The following TMEM132C variants were observed in gnomAD, a reference collection of about 807,000 sequenced individuals.
TMEM132C encodes the protein transmembrane protein 132C.
A neutral mutation model predicts 61.4 loss-of-function variants in TMEM132C; 29 were observed. The observed-to-expected ratio is 0.47, with a 90% CI of 0.35 to 0.64. The LOEUF (loss-of-function observed/expected upper bound fraction) is 0.64, where lower values mean the gene tolerates loss of function less well. Ranked by LOEUF, TMEM132C falls within the 30% of genes least tolerant of loss-of-function variation. The pLI, the probability that TMEM132C is intolerant of heterozygous loss-of-function variation, is 0.00. For missense variants in TMEM132C, 1,408 were observed against 1,476.9 expected, an observed-to-expected ratio of 0.95 and a Z score of 0.76; for synonymous variants, 656 against 633.1, an observed-to-expected ratio of 1.04 and a Z score of -0.54.
intron 1 of TMEM132C, among the ~76,000 whole-genome samples, chr12:128,330,395 G>A (rs556576088): frequency 6.6e-6 from 1 of 152,248 alleles, no homozygotes; most frequent in South Asian, 2.1e-4. Context: ...TTTTTTAAAA[G>A]TGTATTTCTA....
At chr12:128,292,075 G>A (rs769280746) in intron 1 of TMEM132C, among the ~76,000 whole-genome samples, 1 of 152,254 alleles carries the variant, frequency 6.6e-6, no homozygotes, top group Non-Finnish European at 1.5e-5. Context: ...CTCACCATCC[G>A]TCTCTGCTTC....
At chr12:128,293,034 A>G (rs1343771507) in intron 1 of TMEM132C, among the ~76,000 whole-genome samples, 1 of 149,416 alleles carries the variant, frequency 6.7e-6, no homozygotes, top group Non-Finnish European at 1.5e-5. Flanking sequence ...TGATTTTCAA[A>G]AAATTTGAAA....
chr12:128,293,987 G>T (rs1683710), intron 1 of TMEM132C: 1 of 154,236 alleles, frequency 6.5e-6, no homozygotes, highest in South Asian at 2.0e-4. Flanking sequence ...GAATATTTCC[G>T]AAGGGGAATC....
At chr12:128,660,278 C>T (rs1954374098) in intron 4 of TMEM132C, among the ~76,000 whole-genome samples, 1 of 152,164 alleles carries the variant, frequency 6.6e-6, no homozygotes, top group South Asian at 2.1e-4. Flanking sequence ...GGCTGAGGAA[C>T]CCCTTTCCTC....
rs538481201 is a variant in TMEM132C at position 128,359,299 on chromosome 12, A to G, written c.86-55433A>G. ...CACAATCATGGTGGAAGAGCAAGGG[A>G]CGTCTTACATGGTGGAAGACAAGAG... On this transcript the variant is annotated intron_variant, in intron 1 of 8. Transcript: ENST00000435159. Among the ~76,000 whole-genome samples the G allele has an allele frequency of 5.3e-5, 8 of 152,262 alleles. No homozygotes were observed. The South Asian group carries it at 1.2e-3, about 24-fold the overall frequency.
intron 5 of TMEM132C, among the ~76,000 whole-genome samples, chr12:128,674,084 C>T (rs866535221): frequency 6.6e-6 from 1 of 152,198 alleles, no homozygotes; most frequent in African/African-American, 2.4e-5. Context: ...CACCATGATC[C>T]GATTTTATAA....
intron 4 of TMEM132C, among the ~76,000 whole-genome samples, chr12:128,623,667 G>A (rs1953988444): frequency 1.3e-5 from 2 of 151,968 alleles, no homozygotes; most frequent in South Asian, 2.1e-4. Flanking sequence ...AATCAGCCGG[G>A]CGTGATGGCA....
In TMEM132C at chr12:128,599,463, T is replaced by C. The variant is rs552003882; in HGVS notation, c.1122-16689T>C. On this transcript the variant is annotated intron_variant, in intron 3 of 8. Transcript: ENST00000435159. Reference sequence around the variant, plus strand: ...GGCCAGGGCACCTGGGCCTCTGACATGTTGCTCCGGAGGAGACGGTTGCCT... The same window carrying C: ...GGCCAGGGCACCTGGGCCTCTGACACGTTGCTCCGGAGGAGACGGTTGCCT... Among the ~76,000 whole-genome samples the C allele has an allele frequency of 2.6e-5, 4 of 152,312 alleles. No homozygotes were observed. The East Asian group carries it at 7.7e-4, about 29-fold the overall frequency.
intron 4 of TMEM132C, among the ~76,000 whole-genome samples, chr12:128,665,944 C>T (rs11612871): frequency 0.21 from 28,636 of 138,894 alleles, 2,848 homozygotes; most frequent in South Asian, 0.31. Flanking sequence ...CATACACAAA[C>T]ACAGGCACAC....
At chr12:128,339,805 G>A (rs1263187516) in intron 1 of TMEM132C, among the ~76,000 whole-genome samples, 10 of 152,132 alleles carry the variant, frequency 6.6e-5, no homozygotes, top group African/African-American at 2.4e-4. Flanking sequence ...TCTCATTCCA[G>A]GCAACTTGTG....
chr12:128,405,231 T>G (rs1875300163), intron 1 of TMEM132C, among the ~76,000 whole-genome samples: 1 of 152,120 alleles, frequency 6.6e-6, no homozygotes, highest in Non-Finnish European at 1.5e-5. Context: ...GGAGATAACG[T>G]TTCCGGGAGA....
At chr12:128,664,597 A>G (rs1046249750) in intron 4 of TMEM132C, among the ~76,000 whole-genome samples, 1 of 152,226 alleles carries the variant, frequency 6.6e-6, no homozygotes, top group Non-Finnish European at 1.5e-5. Context: ...TCTAACACCT[A>G]CTGGGGTCGG....
At chr12:128,553,720 TG>T (rs1874245650) in intron 3 of TMEM132C, among the ~76,000 whole-genome samples, 1 of 152,212 alleles carries the variant, frequency 6.6e-6, no homozygotes, top group Non-Finnish European at 1.5e-5. Flanking sequence ...CACAGGGAGC[TG>T]CTGTGAGGGA....
intron 2 of TMEM132C, among the ~76,000 whole-genome samples, chr12:128,463,025 G>A (rs987841928): frequency 3.3e-5 from 5 of 152,096 alleles, no homozygotes; most frequent in Non-Finnish European, 7.4e-5. Context: ...GGCTGCAGAC[G>A]GCTGCTACAG....
intron 3 of TMEM132C, among the ~76,000 whole-genome samples, chr12:128,588,495 G>A (rs11834383): frequency 0.078 from 11,883 of 152,088 alleles, 583 homozygotes; most frequent in African/African-American, 0.13. Context: ...TCATTCATCC[G>A]TTCTTTTGTA....
chr12:128,321,508 G>T (rs950330396), intron 1 of TMEM132C, among the ~76,000 whole-genome samples: 1 of 152,178 alleles, frequency 6.6e-6, no homozygotes, highest in African/African-American at 2.4e-5. Flanking sequence ...TGCAGCTCTG[G>T]CTATAAAGGG....
chr12:128,527,705 G>GTA (rs909690527), intron 2 of TMEM132C, among the ~76,000 whole-genome samples: 2 of 60,554 alleles, frequency 3.3e-5, no homozygotes, highest in Non-Finnish European at 6.7e-5. Flanking sequence ...GAATGTGCAT[G>GTA]TATGTGTGTG....
intron 1 of TMEM132C, among the ~76,000 whole-genome samples, chr12:128,366,931 T>C (rs1873889926): frequency 6.6e-6 from 1 of 152,048 alleles, no homozygotes; most frequent in Non-Finnish European, 1.5e-5. Context: ...AATTCAGAAA[T>C]GTGTGCAGAA....
chr12:128,684,656 G>A (rs1954660732), intron 5 of TMEM132C, among the ~76,000 whole-genome samples: 1 of 152,244 alleles, frequency 6.6e-6, no homozygotes, highest in Non-Finnish European at 1.5e-5. Flanking sequence ...ATTTATCACA[G>A]AACAAATTTC....
Sources: gnomAD v4.1 joint callset for allele counts (sites outside exome capture counted in the v4.1 genomes callset) on GRCh38, gnomAD v4.1.1 for gene constraint, MANE v1.5 for transcripts, NCBI Gene and HGNC (gene_info 2026-07-23, HGNC 2026-07-21) for gene names.